The following ZNF324 variants were observed in gnomAD, a reference collection of about 807,000 sequenced individuals.
ZNF324 encodes the protein zinc finger protein 324, also known as zinc finger protein 324A.
In ZNF324, 3 loss-of-function variants were observed where a neutral mutation model predicts 10.3. The observed-to-expected ratio is 0.29, with a 90% CI of 0.13 to 0.75. The LOEUF is 0.75. ZNF324 is among the 30% of genes least tolerant of loss of function. ZNF324 has a pLI of 0.69. For missense variants in ZNF324, 763 were observed against 784.4 expected (o/e 0.97, Z 0.33); for synonymous variants, 430 against 339.5 (o/e 1.27, Z -2.93).
rs746181364 is a variant in ZNF324, at chr19:58,471,088, C to T, written c.596C>T (p.Ala199Val). ...ACGCCTGAGCGGCAGAAACCATGTGCACAGGAGGTCCCTGGGAGAACCTTT... is the reference window on the plus strand; with the variant it reads ...ACGCCTGAGCGGCAGAAACCATGTGTACAGGAGGTCCCTGGGAGAACCTTT... Reference protein sequence around the residue: ...PRTPERQKPCAQEVPGRTFGS... With the variant: ...PRTPERQKPCVQEVPGRTFGS... The change falls in exon 4 of 4, where the codon GCA (alanine) becomes GTA (valine). Residue 199 changes from alanine (A) to valine (V), a missense_variant. Ala to Val is a moderately conservative substitution (Grantham distance 64). Coordinates refer to ENST00000196482, the MANE Select transcript of ZNF324 (RefSeq NM_014347.3). 4 of 1,613,750 alleles carry T rather than the reference C, an allele frequency of 2.5e-6. No homozygotes were observed. Among genetic ancestry groups the T allele is most frequent in the Non-Finnish European group, 3.4e-6 (4 of 1,180,048 alleles).
chr19:58,469,734 C>G lies in ZNF324; in HGVS notation c.128C>G (p.Ser43Cys). 1.9e-6 allele frequency: 3 copies of G among 1,573,348 alleles called. No homozygotes were observed. Among genetic ancestry groups the G allele is most frequent in the Middle Eastern group, 1.7e-4 (1 of 5,916 alleles). The change falls in exon 3 of 4, where the codon TCC becomes TGC. Residue 43 changes from serine (S) to cysteine (C), a missense_variant. Physicochemically the swap from Ser to Cys is moderately radical, Grantham distance 112 (BLOSUM62 -1). Around this residue, in one of 3 missense-constraint regions of ZNF324, gnomAD observed 379 missense variants for 319.4 expected, o/e 1.19. Transcript: ENST00000196482. ...CTGCACCTCCTCCTCACAGGACTCT[C>G]CACCTCTCGACCTCGTGTGGTCATC... The part of the protein sequence containing the change: ...NFALVASLGL[S>C]TSRPRVVIQL...
Position 58,470,803 on chromosome 19 carries a change from G to C in ZNF324, c.311G>C (p.Gly104Ala). The C allele has an allele frequency of 6.2e-7, 1 of 1,614,206 alleles. No individual in the cohort carries two copies. Among genetic ancestry groups the C allele is most frequent in the Non-Finnish European group, 8.5e-7 (1 of 1,180,034 alleles). Residue 104 changes from glycine (G) to alanine (A), a missense_variant, in exon 4 of 4, where the codon GGG becomes GCG. This residue lies in a region of ZNF324 where 379 missense variants were observed against 319.4 expected (regional missense o/e 1.19). Transcript: ENST00000196482. ...CGAGCTTTCCCAGATACCCCACCTG[G>C]GATGACTACTAGCGTCTTCCCTGTT... ...WPRAFPDTPP[G>A]MTTSVFPVAG...
chr19:58,467,340 G>T (rs2052990417), intron 1 of ZNF324, 157 bp downstream of exon 1: 1 of 152,330 alleles, frequency 6.6e-6, no homozygotes, highest in African/African-American at 2.4e-5. Flanking sequence ...CTCTCCCACC[G>T]TGCGGCAGCC....
chr19:58,470,950 G>C lies in ZNF324; in HGVS notation c.458G>C (p.Ser153Thr). 1 of 1,614,240 alleles carries C rather than the reference G, an allele frequency of 6.2e-7. No individual in the cohort carries two copies. Residue 153 changes from serine (S) to threonine (T), a missense_variant, in exon 4 of 4, where the codon AGT becomes ACT. Transcript: ENST00000196482. ...YWERLLLGSG[S>T]GQASVSLRLT... is the part of the protein sequence containing the mutation. ...GAGAGGCTCCTGCTAGGCTCAGGCA[G>C]TGGGCAAGCCAGCGTCAGCCTGCGA...
intron 2 of ZNF324, 92 bp from the exon 3 acceptor site, chr19:58,469,636 C>T: frequency 9.3e-7 from 1 of 1,075,118 alleles, no homozygotes; most frequent in Non-Finnish European, 1.4e-6. Context: ...ATGACATTTT[C>T]TGTTTCCGTG....
rs1196838573 is a variant in ZNF324 at position 58,472,317 on chromosome 19, A to C, written c.*163A>C. 1 of 739,544 alleles carries C rather than the reference A, an allele frequency of 1.4e-6. No individual in the cohort carries two copies. The highest frequency in any genetic ancestry group is 2.0e-5 in the South Asian group (1 of 49,762). The allele number at this position is 739,544 out of a possible 1,614,324, so 45.8% of individuals were successfully genotyped here. On this transcript the variant is annotated 3_prime_UTR_variant, in exon 4 of 4. Coordinates refer to ENST00000196482, the MANE Select transcript of ZNF324 (RefSeq NM_014347.3). ...TTTGCACGTGGGGACAGGATTTGCC[A>C]GTTCACCCACAGATCACACCTCCAT... is the stretch of plus-strand genomic sequence containing the variant.
At position 58,472,041 on chromosome 19, in the gene ZNF324, C is replaced by T. The variant is rs761119095; in HGVS notation, c.1549C>T (p.His517Tyr). ...KTVRRSRASL[H>Y]PQARSVAGAS... ...CGTCCGGCGATCCAGGGCCAGCCTGCACCCCCAGGCCAGGTCTGTTGCCGG... is the reference window on the plus strand; with the variant it reads ...CGTCCGGCGATCCAGGGCCAGCCTGTACCCCCAGGCCAGGTCTGTTGCCGG... The change falls in exon 4 of 4, where the codon CAC (histidine) becomes TAC (tyrosine). Residue 517 changes from histidine (H) to tyrosine (Y), a missense_variant. Physicochemically the swap from His to Tyr is moderately conservative, Grantham distance 83. This residue lies in a region of ZNF324 where 231 missense variants were observed against 196.0 expected (regional missense o/e 1.18). Transcript: ENST00000196482. 2.9e-5 allele frequency: 47 copies of T among 1,606,472 alleles called. No homozygotes were observed. Among genetic ancestry groups the T allele is most frequent in the Non-Finnish European group, 2.4e-5 (28 of 1,179,510 alleles).
chr19:58,474,519 A>C lies in ZNF324; in HGVS notation c.*2365A>C, dbSNP rs1024088943. On this transcript the variant is annotated 3_prime_UTR_variant, in exon 4 of 4. Coordinates refer to ENST00000196482, the MANE Select transcript of ZNF324 (RefSeq NM_014347.3). ...GCCCCTGTTGTCCCTCAGTTTGTCC[A>C]CCCTCCTCCAATCTTCCCCTCCCCA... 6.6e-6 allele frequency: 1 copy of C among 150,480 alleles called. No homozygotes were observed. The highest frequency in any genetic ancestry group is 1.5e-5 in the Non-Finnish European group (1 of 67,794). 9.3% of individuals were successfully genotyped at this position (150,480 alleles called of 1,614,324 possible).
At chr19:58,470,188 C>G (rs765789835) in intron 3 of ZNF324, among the ~76,000 whole-genome samples, 1 of 152,130 alleles carries the variant, frequency 6.6e-6, no homozygotes, top group Non-Finnish European at 1.5e-5. Context: ...GCAAACATTT[C>G]CTGAGTGCTC....
rs1245828543 is a variant in ZNF324 at position 58,471,622 on chromosome 19, G to A, written c.1130G>A (p.Arg377His). Residue 377 changes from arginine to histidine, a missense_variant, in exon 4 of 4, where the codon CGC becomes CAC. By Grantham distance (29) the Arg-to-His change is conservative. Coordinates refer to ENST00000196482, the MANE Select transcript of ZNF324 (RefSeq NM_014347.3). ...RPYACAQCGR[R>H]FCRNSHLIQH... ...TATGCTTGCGCACAGTGTGGCCGCC[G>A]CTTCTGCCGCAACTCGCACCTGATC... is the stretch of plus-strand genomic sequence containing the variant. 6 of 1,608,384 alleles carry A rather than the reference G, an allele frequency of 3.7e-6. No homozygotes were observed. Among genetic ancestry groups the A allele is most frequent in the Middle Eastern group, 1.9e-4 (1 of 5,340 alleles).
intron 3 of ZNF324, 169 bp from the exon 4 acceptor site, chr19:58,470,562 G>A: frequency 1.3e-6 from 1 of 797,794 alleles, no homozygotes; most frequent in Non-Finnish European, 2.2e-6. Flanking sequence ...ACCTATCAGG[G>A]CAGATTGTTC....
intron 3 of ZNF324, 21 bp downstream of exon 3, chr19:58,469,865 G>C (rs1233718184): frequency 6.3e-7 from 1 of 1,576,866 alleles, no homozygotes; most frequent in African/African-American, 1.4e-5. Context: ...GCTCAGGGTG[G>C]GGTGAATTCA....
rs1373080195 is a variant in ZNF324 at position 58,471,472 on chromosome 19, C to T, written c.980C>T (p.Ser327Leu). The change falls in exon 4 of 4, where the codon TCG (serine) becomes TTG (leucine). Residue 327 changes from serine to leucine, a missense_variant. Ser to Leu is a moderately radical substitution (Grantham distance 145). This residue lies in a region of ZNF324 where 153 missense variants were observed against 269.0 expected (regional missense o/e 0.57). Transcript: ENST00000196482. ...GGCAAGGCCTTCCGGCATAGCTCCT[C>T]GCTGGTGCGGCACCAGCGCATCCAC... ...VCGKAFRHSSSLVRHQRIHTA... is the reference protein window; with the variant it reads ...VCGKAFRHSSLLVRHQRIHTA... 9 of 1,593,418 alleles carry T rather than the reference C, an allele frequency of 5.6e-6. No homozygotes were observed. The highest frequency in any genetic ancestry group is 1.7e-5 in the Admixed American group (1 of 57,944).
In ZNF324 at chr19:58,473,876, G is replaced by A. The variant is rs1424427279; in HGVS notation, c.*1722G>A. 1 of 152,364 alleles carries A rather than the reference G, an allele frequency of 6.6e-6. No individual in the cohort carries two copies. Among genetic ancestry groups the A allele is most frequent in the Non-Finnish European group, 1.5e-5 (1 of 68,168 alleles). 9.4% of individuals were successfully genotyped at this position (152,364 alleles called of 1,614,324 possible). A position where few individuals can be genotyped will look rare whatever the true frequency, so the allele number is the denominator to read the frequency against. On this transcript the variant is annotated 3_prime_UTR_variant, in exon 4 of 4. Coordinates refer to ENST00000196482, the MANE Select transcript of ZNF324 (RefSeq NM_014347.3). ...CAGCAGCCCTGCTAGATGAGTCCTG[G>A]TGGATCCTGGCAATGGGAGGATGGT...
Position 58,471,907 on chromosome 19 carries a change from G to A in ZNF324, c.1415G>A (p.Arg472Gln), listed in dbSNP as rs1192415030. The change falls in exon 4 of 4, where the codon CGG (arginine) becomes CAG (glutamine). Residue 472 changes from arginine (R) to glutamine (Q), a missense_variant. This residue lies in a region of ZNF324 where 231 missense variants were observed against 196.0 expected (regional missense o/e 1.18). Coordinates refer to ENST00000196482, the MANE Select transcript of ZNF324 (RefSeq NM_014347.3). ...AAGGGCGCCGTGCTGCTCAGCCACC[G>A]GCGCATTCACACGGGCGAGAAGCCC... ...FAKGAVLLSH[R>Q]RIHTGEKPFV... 5.0e-6 allele frequency: 8 copies of A among 1,610,286 alleles called. No individual in the cohort carries two copies. Among genetic ancestry groups the A allele is most frequent in the South Asian group, 4.4e-5 (4 of 90,968 alleles).
chr19:58,470,636 C>T (rs2053020751), intron 3 of ZNF324, 95 bp from the exon 4 acceptor site: 2 of 1,505,982 alleles, frequency 1.3e-6, no homozygotes, highest in Admixed American at 1.7e-5. Context: ...AGCTTTTGTG[C>T]CAGCTCCGGG....
Position 58,469,805 on chromosome 19 carries a change from A to G in ZNF324, c.199A>G (p.Thr67Ala). 3.7e-6 allele frequency: 6 copies of G among 1,601,818 alleles called. No homozygotes were observed. Among genetic ancestry groups the G allele is most frequent in the South Asian group, 1.1e-5 (1 of 88,472 alleles). ...EEPWVPSGTD[T>A]TLSRTTYRRR... is the part of the protein sequence containing the mutation. ...GCCCTGGGTTCCCAGTGGAACGGAC[A>G]CAACCCTGTCCAGGACCACCTACAG... Residue 67 changes from threonine to alanine, a missense_variant, in exon 3 of 4, where the codon ACA becomes GCA. Thr to Ala is a moderately conservative substitution (Grantham distance 58). Around this residue, in one of 3 missense-constraint regions of ZNF324, gnomAD observed 379 missense variants for 319.4 expected, o/e 1.19. Coordinates refer to ENST00000196482, the MANE Select transcript of ZNF324 (RefSeq NM_014347.3).
Position 58,472,494 on chromosome 19 carries a change from T to C in ZNF324, c.*340T>C. 1 of 280,848 alleles carries C rather than the reference T, an allele frequency of 3.6e-6. No homozygotes were observed. The highest frequency in any genetic ancestry group is 6.5e-5 in the East Asian group (1 of 15,356). The allele number at this position is 280,848 out of a possible 1,614,324, so 17.4% of individuals were successfully genotyped here. A position where few individuals can be genotyped will look rare whatever the true frequency, so the allele number is the denominator to read the frequency against. On this transcript the variant is annotated 3_prime_UTR_variant, in exon 4 of 4. Coordinates refer to ENST00000196482, the MANE Select transcript of ZNF324 (RefSeq NM_014347.3). Reference sequence around the variant, plus strand: ...TGTGATATGACAGTGGATGCTAAGGTGAGAGGGATGCAGGCATGGGTTGGG... The same window carrying C: ...TGTGATATGACAGTGGATGCTAAGGCGAGAGGGATGCAGGCATGGGTTGGG...
At position 58,472,130 on chromosome 19, in the gene ZNF324, C is replaced by A; in HGVS notation, c.1638C>A (p.Ala546=). The change falls in exon 4 of 4, where the codon GCC becomes GCA. Residue 546 remains alanine, a synonymous_variant. Transcript: ENST00000196482. ...CCACTCCCGCCTCGGGCCCAGCCGC[C>A]GTCTCGCAGCCAGCGGAGGTCTGAG... The part of the protein sequence containing the change: ...TEPTPASGPA[A]VSQPAEV 1 of 1,587,144 alleles carries A rather than the reference C, an allele frequency of 6.3e-7. No individual in the cohort carries two copies. Among genetic ancestry groups the A allele is most frequent in the South Asian group, 1.1e-5 (1 of 89,662 alleles).
Sources: allele counts gnomAD v4.1 joint callset (sites outside exome capture counted in the v4.1 genomes callset), GRCh38; gene constraint gnomAD v4.1.1; regional missense constraint gnomAD v4.1.1; transcripts MANE v1.5; gene names NCBI Gene and HGNC (gene_info 2026-07-23, HGNC 2026-07-21).